TMEM132C: variants seen among roughly 807,000 people sequenced by gnomAD.
TMEM132C encodes the protein transmembrane protein 132C.
TMEM132C carries 29 observed loss-of-function variants against 61.4 expected under a neutral mutation model. The ratio of observed to expected loss-of-function variants is 0.47; its 90% CI spans 0.35 to 0.64. TMEM132C has a LOEUF of 0.64. Among genes scored for constraint, TMEM132C ranks in the 30% least tolerant of loss-of-function variants. TMEM132C has a pLI of 0.00. For missense variants in TMEM132C, 1,408 were observed against 1,476.9 expected (o/e 0.95, Z 0.76); for synonymous variants, 656 against 633.1 (o/e 1.04, Z -0.54).
intron 3 of TMEM132C, among the ~76,000 whole-genome samples, chr12:128,558,199 A>T (rs1468358860): frequency 5.3e-5 from 8 of 152,190 alleles, no homozygotes; most frequent in African/African-American, 1.9e-4. Context: ...GGTACAGAAT[A>T]TCTTGCATTA....
chr12:128,307,107 T>C (rs537820301), intron 1 of TMEM132C, among the ~76,000 whole-genome samples: 1 of 152,118 alleles, frequency 6.6e-6, no homozygotes, highest in Admixed American at 6.5e-5. Flanking sequence ...TTGGCAAGAG[T>C]TCAGTTTCCC....
intron 3 of TMEM132C, among the ~76,000 whole-genome samples, chr12:128,557,235 G>A (rs1172535937): frequency 6.6e-6 from 1 of 152,210 alleles, no homozygotes; most frequent in East Asian, 1.9e-4. Context: ...TGGCACCCAA[G>A]CCTCATTTAA....
intron 2 of TMEM132C, among the ~76,000 whole-genome samples, chr12:128,538,719 G>C (rs1873629134): frequency 6.6e-6 from 1 of 152,144 alleles, no homozygotes; most frequent in South Asian, 2.1e-4. Flanking sequence ...ACGCACTGAT[G>C]TTGACACTTT....
chr12:128,615,771 G>A (rs1386774968), intron 3 of TMEM132C, among the ~76,000 whole-genome samples: 2 of 152,136 alleles, frequency 1.3e-5, no homozygotes, highest in Non-Finnish European at 2.9e-5. Flanking sequence ...CAGGGGTTGG[G>A]GACCCCAGCC....
chr12:128,646,953 C>T (rs1186482861), intron 4 of TMEM132C, among the ~76,000 whole-genome samples: 3 of 150,348 alleles, frequency 2.0e-5, no homozygotes, highest in Non-Finnish European at 2.9e-5. Context: ...TGGAGTCCAT[C>T]GGCGTTGGAT....
At chr12:128,523,029 G>T (rs1370360566) in intron 2 of TMEM132C, among the ~76,000 whole-genome samples, 2 of 152,112 alleles carry the variant, frequency 1.3e-5, no homozygotes, top group Non-Finnish European at 2.9e-5. Context: ...CAGATGAATG[G>T]ATAAGCGGAA....
intron 1 of TMEM132C, among the ~76,000 whole-genome samples, chr12:128,410,772 A>G (rs1397181128): frequency 6.6e-6 from 1 of 152,176 alleles, no homozygotes; most frequent in Non-Finnish European, 1.5e-5. Flanking sequence ...AAAATGAAGA[A>G]ATTAACATTG....
chr12:128,465,929 T>C (rs565908092), intron 2 of TMEM132C, among the ~76,000 whole-genome samples: 28 of 152,132 alleles, frequency 1.8e-4, no homozygotes, highest in African/African-American at 6.7e-4. Flanking sequence ...GGCCCGGGGA[T>C]AAGGGAAGGC....
In TMEM132C at chr12:128,681,817, A is replaced by ATTT. The variant is rs35154554; in HGVS notation, c.1450-11990_1450-11988dup. 3.2e-3 allele frequency among the ~76,000 whole-genome samples: 273 copies of ATTT among 86,440 alleles called. 5 individuals carry two copies. The highest frequency in any genetic ancestry group is 8.5e-3 in the Middle Eastern group (1 of 118). The allele number at this position is 86,440 out of a possible 152,430, so 56.7% of individuals were successfully genotyped here. On this transcript the variant is annotated intron_variant, in intron 5 of 8. Transcript: ENST00000435159. ...TACAGGTGAGCGCTACCACGCCTGG[A>ATTT]TTTTTTTTTTTTTTTTTTTTTTTTG...
chr12:128,659,359 C>T (rs539931514), intron 4 of TMEM132C, among the ~76,000 whole-genome samples: 2 of 152,324 alleles, frequency 1.3e-5, no homozygotes, highest in Admixed American at 6.5e-5. Context: ...AAATTCAATC[C>T]ATCTTTCTCT....
intron 4 of TMEM132C, among the ~76,000 whole-genome samples, chr12:128,619,646 C>T (rs141608640): frequency 3.0e-4 from 45 of 152,328 alleles, no homozygotes; most frequent in African/African-American, 1.1e-3. Flanking sequence ...CCACCTCTCC[C>T]TAATCCCCTC....
chr12:128,648,222 A>G (rs373487407), intron 4 of TMEM132C, among the ~76,000 whole-genome samples: 1,269 of 145,084 alleles, frequency 8.7e-3, no homozygotes, highest in African/African-American at 0.031. Context: ...GAGTGTGTTT[A>G]CTAGATCCCA....
At position 128,296,016 on chromosome 12, in the gene TMEM132C, C is replaced by T. The variant is rs1205155593; in HGVS notation, c.85+28529C>T. Among the ~76,000 whole-genome samples, 5 of 152,172 alleles carry T rather than the reference C, an allele frequency of 3.3e-5. No individual in the cohort carries two copies. The East Asian group carries it at 9.6e-4, about 29-fold the overall frequency. On this transcript the variant is annotated intron_variant, in intron 1 of 8. Coordinates refer to ENST00000435159, the MANE Select transcript of TMEM132C (RefSeq NM_001136103.3). ...TGAACATTGGTTTTCTCTGTACCTCCCCTTGCCTCCCTTTCTTCCTAGTGT... is the reference window on the plus strand; with the variant it reads ...TGAACATTGGTTTTCTCTGTACCTCTCCTTGCCTCCCTTTCTTCCTAGTGT...
chr12:128,356,417 G>A (rs539734775), intron 1 of TMEM132C, among the ~76,000 whole-genome samples: 4 of 152,234 alleles, frequency 2.6e-5, no homozygotes, highest in East Asian at 3.9e-4. Context: ...TCAATAAAAC[G>A]CGTCGACTCC....
intron 5 of TMEM132C, among the ~76,000 whole-genome samples, chr12:128,682,071 T>C (rs954316861): frequency 6.6e-6 from 1 of 152,140 alleles, no homozygotes; most frequent in Non-Finnish European, 1.5e-5. Flanking sequence ...TTGCTCCCGC[T>C]TAGGTCCGTC....
intron 5 of TMEM132C, among the ~76,000 whole-genome samples, chr12:128,690,106 A>G (rs1251342074): frequency 6.6e-6 from 1 of 152,142 alleles, no homozygotes; most frequent in African/African-American, 2.4e-5. Flanking sequence ...ATGTGGCTCC[A>G]CCAAGCCTCA....
intron 4 of TMEM132C, among the ~76,000 whole-genome samples, chr12:128,639,337 ATGT>A (rs1430499857): frequency 1.3e-5 from 2 of 151,728 alleles, no homozygotes; most frequent in East Asian, 3.9e-4. Flanking sequence ...GATGGTGATG[ATGT>A]TGGTATTGGT....
chr12:128,307,993 A>G (rs548176376), intron 1 of TMEM132C, among the ~76,000 whole-genome samples: 2 of 152,326 alleles, frequency 1.3e-5, no homozygotes, highest in South Asian at 4.1e-4. Context: ...TGGGAATGAG[A>G]GGCACAGGGC....
In TMEM132C at chr12:128,368,932, T is replaced by C. The variant is rs1873951411; in HGVS notation, c.86-45800T>C. Among the ~76,000 whole-genome samples, 5 of 152,226 alleles carry C rather than the reference T, an allele frequency of 3.3e-5. 1 individual carries two copies. In the South Asian group the frequency reaches 8.3e-4, roughly 25 times the overall value. On this transcript the variant is annotated intron_variant, in intron 1 of 8. Transcript: ENST00000435159. ...TGAGACTCTAGAGAATTCCCTGAGA[T>C]CACTAGGGATGACTTAGAAAAATAC... is the stretch of plus-strand genomic sequence containing the variant.
Sources: gnomAD v4.1 joint callset for allele counts (sites outside exome capture counted in the v4.1 genomes callset) on GRCh38, gnomAD v4.1.1 for gene constraint, MANE v1.5 for transcripts, NCBI Gene and HGNC (gene_info 2026-07-23, HGNC 2026-07-21) for gene names.